MAP3K21: variants seen among roughly 807,000 people sequenced by gnomAD.
The protein encoded by MAP3K21 is mitogen-activated protein kinase kinase kinase MLK4.
In MAP3K21, 63 loss-of-function variants were observed where a neutral mutation model predicts 86.1. The observed-to-expected ratio is 0.73, with a 90% CI of 0.60 to 0.90. MAP3K21 has a LOEUF of 0.90. Among genes scored for constraint, MAP3K21 ranks in the 40% least tolerant of loss-of-function variants. MAP3K21 has a pLI of 0.00. For synonymous variants in MAP3K21, 558 were observed against 564.8 expected, an observed-to-expected ratio of 0.99 and a Z score of 0.17; for missense variants, 1,220 against 1,367.7, an observed-to-expected ratio of 0.89 and a Z score of 1.70.
Position 233,379,593 on chromosome 1 carries a change from A to C in MAP3K21, c.2587A>C (p.Arg863=). 1 of 1,614,232 alleles carries C rather than the reference A, an allele frequency of 6.2e-7. No individual in the cohort carries two copies. The highest frequency in any genetic ancestry group is 8.5e-7 in the Non-Finnish European group (1 of 1,180,046). Residue 863 remains arginine (R), a synonymous_variant, in exon 9 of 10, where the codon AGA becomes CGA. Transcript: ENST00000366624. ...PRLDTDCSVS[R]NLPSSFLQQT... ...ACTTGACACTGATTGTAGTGTATCA[A>C]GAAACTTGCCGTCTTCCTTCCTACA...
intron 5 of MAP3K21, among the ~76,000 whole-genome samples, chr1:233,363,785 T>C (rs1572251852): frequency 6.8e-6 from 1 of 145,998 alleles, no homozygotes; most frequent in Non-Finnish European, 1.5e-5. Context: ...AGTGGACGGG[T>C]TGCCTGAGAT....
At chr1:233,350,246 G>GT (rs772674322) in intron 2 of MAP3K21, among the ~76,000 whole-genome samples, 137 of 149,876 alleles carry the variant, frequency 9.1e-4, no homozygotes, top group African/African-American at 1.1e-3. Flanking sequence ...ATTTTTTGTT[G>GT]TTTTTTTTTC....
At chr1:233,352,471 C>A (rs1026390441) in intron 2 of MAP3K21, among the ~76,000 whole-genome samples, 1 of 151,718 alleles carries the variant, frequency 6.6e-6, no homozygotes, top group African/African-American at 2.4e-5. Context: ...TGCTCTGTCA[C>A]CCAGGCTGGA....
intron 4 of MAP3K21, among the ~76,000 whole-genome samples, chr1:233,357,890 G>T (rs1663393976): frequency 6.6e-6 from 1 of 152,174 alleles, no homozygotes. Flanking sequence ...CTTGGAGCTG[G>T]CTGACAGAGA....
Position 233,339,268 on chromosome 1 carries a change from CTCT to C in MAP3K21, c.806-7153_806-7151del, listed in dbSNP as rs1327762337. ...CTTCTTCTTCTTCTTCTTCTTCTTCCTCTTCTTCTTCTTCTTCTTCTTCCTCTT... is the reference window on the plus strand; with the variant it reads ...CTTCTTCTTCTTCTTCTTCTTCTTCCTCTTCTTCTTCTTCTTCTTCCTCTT... On this transcript the variant is annotated intron_variant, in intron 1 of 9. Coordinates refer to ENST00000366624, the MANE Select transcript of MAP3K21 (RefSeq NM_032435.3). Among the ~76,000 whole-genome samples, 13 of 19,878 alleles carry C rather than the reference CTCT, an allele frequency of 6.5e-4. 1 individual carries two copies. The highest frequency in any genetic ancestry group is 8.5e-4 in the African/African-American group (5 of 5,862). The allele number at this position is 19,878 out of a possible 152,430, so 13.0% of individuals were successfully genotyped here.
At chr1:233,356,037 C>T (rs1663346606) in intron 4 of MAP3K21, among the ~76,000 whole-genome samples, 2 of 152,162 alleles carry the variant, frequency 1.3e-5, no homozygotes, top group South Asian at 2.1e-4. Flanking sequence ...CCCATGATGT[C>T]ATGCTCCTGA....
chr1:233,328,656 C>G lies in MAP3K21; in HGVS notation c.628C>G (p.Arg210Gly). ...GTTCGCCCGCGGCGGAGCGCTCAAC[C>G]GAGCGCTGGCCGCTGCCAACGCCGC... is the stretch of plus-strand genomic sequence containing the variant. Reference protein sequence around the residue: ...LEFARGGALNRALAAANAAPD... With the variant: ...LEFARGGALNGALAAANAAPD... Residue 210 changes from arginine (R) to glycine (G), a missense_variant, in exon 1 of 10, where the codon CGA becomes GGA. By Grantham distance (125) the Arg-to-Gly change is moderately radical (BLOSUM62 -2). This residue lies in a region of MAP3K21 where 369 missense variants were observed against 385.3 expected (regional missense o/e 0.96). Coordinates refer to ENST00000366624, the MANE Select transcript of MAP3K21 (RefSeq NM_032435.3). This position sits in a 1 kb window ranked among gnomAD's most constrained non-coding sequence, Gnocchi z 8.7. 7.3e-7 allele frequency: 1 copy of G among 1,365,528 alleles called. No homozygotes were observed. Among genetic ancestry groups the G allele is most frequent in the Non-Finnish European group, 9.4e-7 (1 of 1,060,678 alleles). 84.6% of individuals were successfully genotyped at this position (1,365,528 alleles called of 1,614,324 possible). A position where few individuals can be genotyped will look rare whatever the true frequency, so the allele number is the denominator to read the frequency against.
intron 5 of MAP3K21, among the ~76,000 whole-genome samples, chr1:233,364,992 A>G (rs1233582016): frequency 6.6e-6 from 1 of 152,196 alleles, no homozygotes; most frequent in Admixed American, 6.5e-5. Context: ...ATGCACGCAT[A>G]TTTACTTGTA....
At position 233,384,716 on chromosome 1, in the gene MAP3K21, T is replaced by A. The variant is rs1663975270; in HGVS notation, c.*2005T>A. The A allele has an allele frequency of 6.6e-6, 1 of 152,184 alleles. No homozygotes were observed. Among genetic ancestry groups the A allele is most frequent in the Non-Finnish European group, 1.5e-5 (1 of 68,018 alleles). 9.4% of individuals were successfully genotyped at this position (152,184 alleles called of 1,614,324 possible). ...GCATGCATATTAGTAAATGTGTGTT[T>A]GCATGTGTGTGTTGGGGAGTGTATG... On this transcript the variant is annotated 3_prime_UTR_variant, in exon 10 of 10. Transcript: ENST00000366624.
At chr1:233,331,378 T>C (rs937764431) in intron 1 of MAP3K21, among the ~76,000 whole-genome samples, 6 of 152,250 alleles carry the variant, frequency 3.9e-5, no homozygotes, top group Non-Finnish European at 8.8e-5. Flanking sequence ...GGGTCTAGAA[T>C]GTGCAAACCA....
intron 2 of MAP3K21, among the ~76,000 whole-genome samples, chr1:233,352,258 T>C (rs1176468576): frequency 6.6e-6 from 1 of 152,146 alleles, no homozygotes; most frequent in Non-Finnish European, 1.5e-5. Context: ...ACATACAATG[T>C]GTGGTGATCG....
chr1:233,370,005 AG>A (rs1195927458), intron 5 of MAP3K21, among the ~76,000 whole-genome samples: 1 of 152,178 alleles, frequency 6.6e-6, no homozygotes, highest in Non-Finnish European at 1.5e-5. Flanking sequence ...GATTTTAAGC[AG>A]GGGAATGACA....
chr1:233,357,511 A>G (rs1287087365), intron 4 of MAP3K21, among the ~76,000 whole-genome samples: 8 of 152,250 alleles, frequency 5.3e-5, no homozygotes, highest in East Asian at 1.9e-4. Context: ...TGAAAAATGC[A>G]CAACAGGTAA....
chr1:233,331,551 G>A (rs1214555430), intron 1 of MAP3K21, among the ~76,000 whole-genome samples: 1 of 152,084 alleles, frequency 6.6e-6, no homozygotes, highest in Admixed American at 6.6e-5. Flanking sequence ...TGATTTTATT[G>A]GATATTTGCT....
In MAP3K21 at chr1:233,328,746, TG is replaced by T; in HGVS notation, c.721del (p.Ala241ProfsTer4). The stretch of plus-strand genomic sequence containing the variant: ...CATCCCTCCGCACGTGCTGGTCAAC[TG>T]GGCCGTGCAGATAGCGCGGGGCATG... The part of the protein sequence containing the change: ...RRIPPHVLVN[W>X]AVQIARGMLY... On this transcript the variant is annotated frameshift_variant, in exon 1 of 10. Coordinates refer to ENST00000366624, the MANE Select transcript of MAP3K21 (RefSeq NM_032435.3). LOFTEE classifies it high-confidence loss of function. The surrounding 1 kb of genome is among the most constrained non-coding windows in gnomAD (Gnocchi z 8.7). 6.7e-7 allele frequency: 1 copy of T among 1,496,190 alleles called. No homozygotes were observed. Among genetic ancestry groups the T allele is most frequent in the South Asian group, 1.2e-5 (1 of 80,282 alleles). The allele number at this position is 1,496,190 out of a possible 1,614,324, so 92.7% of individuals were successfully genotyped here.
At position 233,328,014 on chromosome 1, in the gene MAP3K21, C is replaced by A. The variant is rs1335246611; in HGVS notation, c.-15C>A. 1.5e-5 allele frequency: 19 copies of A among 1,254,826 alleles called. No individual in the cohort carries two copies. Among genetic ancestry groups the A allele is most frequent in the Non-Finnish European group, 1.8e-5 (18 of 1,001,522 alleles). The allele number at this position is 1,254,826 out of a possible 1,614,324, so 77.7% of individuals were successfully genotyped here. Reference sequence around the variant, plus strand: ...GCCCAGCTTCCCGCTCCGCCTTCCCCGCGCAGCTGCCCCCATGGCTTTGCG... The same window carrying A: ...GCCCAGCTTCCCGCTCCGCCTTCCCAGCGCAGCTGCCCCCATGGCTTTGCG... On this transcript the variant is annotated 5_prime_UTR_variant, in exon 1 of 10. Coordinates refer to ENST00000366624, the MANE Select transcript of MAP3K21 (RefSeq NM_032435.3). The surrounding 1 kb of genome is among the most constrained non-coding windows in gnomAD (Gnocchi z 8.7).
intron 1 of MAP3K21, among the ~76,000 whole-genome samples, chr1:233,339,265 T>C (rs12066179): frequency 4.9e-3 from 122 of 25,148 alleles, no homozygotes; most frequent in Middle Eastern, 0.012. Context: ...CTTCTTCTTC[T>C]TCCTCTTCTT....
At position 233,379,165 on chromosome 1, in the gene MAP3K21, A is replaced by T. The variant is rs747397890; in HGVS notation, c.2159A>T (p.Glu720Val). 1 of 1,614,204 alleles carries T rather than the reference A, an allele frequency of 6.2e-7. No homozygotes were observed. Among genetic ancestry groups the T allele is most frequent in the South Asian group, 1.1e-5 (1 of 91,086 alleles). Residue 720 changes from glutamate to valine, a missense_variant, in exon 9 of 10, where the codon GAG (glutamate) becomes GTG (valine). By Grantham distance (121) the Glu-to-Val change is moderately radical. Around this residue, in one of 5 missense-constraint regions of MAP3K21, gnomAD observed 632 missense variants for 691.3 expected, o/e 0.91. Transcript: ENST00000366624. The part of the protein sequence containing the change: ...LSRSPQRKKT[E>V]SALYGCTVLL... The stretch of plus-strand genomic sequence containing the variant: ...AGATCCCCCCAGAGAAAGAAAACGG[A>T]GTCAGCTCTGTATGGGTGCACCGTC...
Position 233,383,205 on chromosome 1 carries a change from T to G in MAP3K21, c.*494T>G, listed in dbSNP as rs919908085. 1.3e-5 allele frequency: 2 copies of G among 152,864 alleles called. No homozygotes were observed. The highest frequency in any genetic ancestry group is 4.9e-5 in the African/African-American group (2 of 40,496). The allele number at this position is 152,864 out of a possible 1,614,324, so 9.5% of individuals were successfully genotyped here. A position where few individuals can be genotyped will look rare whatever the true frequency, so the allele number is the denominator to read the frequency against. ...AAGCCAAGAAAGAGCTTTAGTTTCT[T>G]GGCAAGAATAATGTGATATTAGTAA... On this transcript the variant is annotated 3_prime_UTR_variant, in exon 10 of 10. Coordinates refer to ENST00000366624, the MANE Select transcript of MAP3K21 (RefSeq NM_032435.3).
Sources: allele counts gnomAD v4.1 joint callset (sites outside exome capture counted in the v4.1 genomes callset), GRCh38; gene constraint gnomAD v4.1.1; regional missense constraint gnomAD v4.1.1; non-coding constraint Gnocchi (gnomAD v3.1); transcripts MANE v1.5; gene names NCBI Gene and HGNC (gene_info 2026-07-23, HGNC 2026-07-21).